The following ULK4 variants were observed in gnomAD, a reference collection of about 807,000 sequenced individuals.
The protein encoded by ULK4 is inactive serine/threonine-protein kinase ULK4.
ULK4 carries 133 observed loss-of-function variants against 160.6 expected under a neutral mutation model. The observed-to-expected ratio is 0.83, with a 90% confidence interval of 0.72 to 0.96. The LOEUF is 0.96. Among genes scored for constraint, ULK4 ranks in the 40% least tolerant of loss-of-function variants. ULK4 has a pLI of 0.00. For synonymous variants in ULK4, 534 were observed against 539.8 expected (o/e 0.99, Z 0.15); for missense variants, 1,580 against 1,499.5 (o/e 1.05, Z -0.89).
chr3:41,254,069 CATGA>C (rs2078787465), intron 35 of ULK4, among the ~76,000 whole-genome samples: 1 of 152,142 alleles, frequency 6.6e-6, no homozygotes, highest in South Asian at 2.1e-4. Flanking sequence ...AAACTCCTCT[CATGA>C]TAAGAAACAG....
chr3:41,938,010 T>C (rs745481427), intron 3 of ULK4, 88 bp downstream of exon 3: 8 of 963,312 alleles, frequency 8.3e-6, no homozygotes, highest in East Asian at 2.5e-5. Flanking sequence ...CAAGTTAACA[T>C]AGTAAATAAC....
chr3:41,546,645 C>T (rs2086871726), intron 32 of ULK4, among the ~76,000 whole-genome samples: 1 of 151,976 alleles, frequency 6.6e-6, no homozygotes, highest in East Asian at 1.9e-4. Context: ...GAAACTCACT[C>T]CTCTCTTATA....
intron 32 of ULK4, among the ~76,000 whole-genome samples, chr3:41,520,196 C>G (rs2085886124): frequency 6.6e-6 from 1 of 152,174 alleles, no homozygotes; most frequent in Non-Finnish European, 1.5e-5. Flanking sequence ...TCTGTACCCA[C>G]TAAACTGTAC....
intron 15 of ULK4, 48 bp downstream of exon 15, chr3:41,896,774 C>T: frequency 2.0e-6 from 3 of 1,535,470 alleles, no homozygotes; most frequent in Non-Finnish European, 2.6e-6. Flanking sequence ...GTTTGAGCCT[C>T]TATAAAAACA....
chr3:41,821,824 A>G (rs958158271), intron 18 of ULK4, among the ~76,000 whole-genome samples: 2 of 152,130 alleles, frequency 1.3e-5, no homozygotes, highest in East Asian at 1.9e-4. Flanking sequence ...TATCTCCCTC[A>G]TAACAGGAAA....
intron 31 of ULK4, among the ~76,000 whole-genome samples, chr3:41,608,474 G>GA (rs2032495774): frequency 6.6e-6 from 1 of 152,116 alleles, no homozygotes; most frequent in South Asian, 2.1e-4. Flanking sequence ...GTAATTTCGA[G>GA]AAAAAGTAAC....
chr3:41,539,035 G>GTTTTTTTTTTTTTTTATTTTTTTTTTTTA (rs2086607889), intron 32 of ULK4, among the ~76,000 whole-genome samples: 1 of 139,922 alleles, frequency 7.1e-6, no homozygotes. Flanking sequence ...CTTTTTCTTA[G>GTTTTTTTTTTTTTTTATTTTTTTTTTTTA]TTTTTTTTTT....
chr3:41,517,054 G>A (rs35738683), intron 32 of ULK4, among the ~76,000 whole-genome samples: 15,462 of 151,998 alleles, frequency 0.1, 927 homozygotes, highest in Admixed American at 0.14. Flanking sequence ...AATTAAAAAC[G>A]GGCAAAAGAT....
chr3:41,346,877 T>A (rs949502063), intron 35 of ULK4, among the ~76,000 whole-genome samples: 2 of 152,174 alleles, frequency 1.3e-5, no homozygotes, highest in African/African-American at 4.8e-5. Context: ...AGAGTATGAG[T>A]CAGTCATTTG....
At chr3:41,518,276 T>C (rs555788350) in intron 32 of ULK4, among the ~76,000 whole-genome samples, 1 of 152,298 alleles carries the variant, frequency 6.6e-6, no homozygotes, top group Non-Finnish European at 1.5e-5. Context: ...CATCTATATA[T>C]CTGTAAGTAG....
chr3:41,468,293 A>G (rs1575264485), intron 32 of ULK4, among the ~76,000 whole-genome samples: 1 of 152,306 alleles, frequency 6.6e-6, no homozygotes, highest in African/African-American at 2.4e-5. Context: ...TTCCCAAAGG[A>G]CAGTCAAATT....
At chr3:41,796,522 G>T (rs2040304864) in intron 20 of ULK4, among the ~76,000 whole-genome samples, 1 of 152,088 alleles carries the variant, frequency 6.6e-6, no homozygotes, top group African/African-American at 2.4e-5. Flanking sequence ...AACCCAGGAG[G>T]CAGAGGTTGC....
At chr3:41,766,579 A>G (rs2039169491) in intron 21 of ULK4, 1 of 152,242 alleles carries the variant, frequency 6.6e-6, no homozygotes, top group Admixed American at 6.5e-5. Context: ...CTAAGTAAAA[A>G]TGTGAGTTTA....
chr3:41,440,727 T>C (rs192281128), intron 34 of ULK4, among the ~76,000 whole-genome samples: 1 of 152,186 alleles, frequency 6.6e-6, no homozygotes, highest in East Asian at 1.9e-4. Flanking sequence ...ATTTGGTTAT[T>C]ATTTCTGAAA....
intron 18 of ULK4, among the ~76,000 whole-genome samples, chr3:41,829,847 G>T (rs533072923): frequency 6.8e-6 from 1 of 147,152 alleles, no homozygotes; most frequent in Non-Finnish European, 1.5e-5. Flanking sequence ...ACATGCACAC[G>T]TATGTTTATT....
rs532980757 is a variant in ULK4 at position 41,935,608 on chromosome 3, G to A, written c.378+193C>T. Among the ~76,000 whole-genome samples, 48 of 152,014 alleles carry A rather than the reference G, an allele frequency of 3.2e-4. No homozygotes were observed. Among genetic ancestry groups the A allele is most frequent in the African/African-American group, 1.1e-3 (44 of 41,446 alleles). On this transcript the variant is annotated intron_variant, in intron 4 of 36. Transcript: ENST00000301831. ...ACTCCTGACCTCAAGTGATCCGCCCGCCTCAGCCTCCCAAAGTGCTAGGAT... is the reference window on the plus strand; with the variant it reads ...ACTCCTGACCTCAAGTGATCCGCCCACCTCAGCCTCCCAAAGTGCTAGGAT...
Position 41,708,614 on chromosome 3 carries a change from C to T in ULK4, c.2635-3309G>A, listed in dbSNP as rs1280673197. Among the ~76,000 whole-genome samples the T allele has an allele frequency of 2.6e-5, 4 of 152,102 alleles. No individual in the cohort carries two copies. In the East Asian group the frequency reaches 5.8e-4, roughly 22 times the overall value. On this transcript the variant is annotated intron_variant, in intron 25 of 36. Coordinates refer to ENST00000301831, the MANE Select transcript of ULK4 (RefSeq NM_017886.4). ...TCTAAAGTAAAGATCTGGGATTACA[C>T]GCCTATAATCCCAGCTACTTGGGAG...
intron 32 of ULK4, among the ~76,000 whole-genome samples, chr3:41,559,108 T>A (rs932535941): frequency 1.4e-5 from 2 of 148,076 alleles, no homozygotes; most frequent in Non-Finnish European, 3.0e-5. Flanking sequence ...TTCCCACCTA[T>A]GAGTGAGAAT....
intron 4 of ULK4, among the ~76,000 whole-genome samples, chr3:41,933,339 T>C (rs982199581): frequency 1.3e-5 from 2 of 152,182 alleles, no homozygotes; most frequent in African/African-American, 2.4e-5. Flanking sequence ...AGCCAGCTAG[T>C]AAATATTTTA....
Sources: gnomAD v4.1 joint callset for allele counts (sites outside exome capture counted in the v4.1 genomes callset) on GRCh38, gnomAD v4.1.1 for gene constraint, MANE v1.5 for transcripts, NCBI Gene and HGNC (gene_info 2026-07-23, HGNC 2026-07-21) for gene names.